VSNL1: variants seen among roughly 807,000 people sequenced by gnomAD.
VSNL1 encodes the protein visinin like 1, also known as visinin-like protein 1.
A neutral mutation model predicts 20.4 loss-of-function variants in VSNL1; 6 were observed. The ratio of observed to expected loss-of-function variants is 0.29; its 90% CI spans 0.16 to 0.58. The LOEUF (loss-of-function observed/expected upper bound fraction) is 0.58. VSNL1 is among the 20% of genes least tolerant of loss of function. VSNL1 has a pLI of 0.90. For synonymous variants in VSNL1, 93 were observed against 86.4 expected (o/e 1.08, Z -0.42); for missense variants, 100 against 234.5 (o/e 0.43, Z 3.75).
chr2:17,646,374 G>C (rs149181759), intron 2 of VSNL1, among the ~76,000 whole-genome samples: 2 of 152,152 alleles, frequency 1.3e-5, no homozygotes, highest in African/African-American at 2.4e-5. Context: ...TTATTTCCTC[G>C]GCTAACACTT....
rs919148663 is a variant in VSNL1, at chr2:17,540,879, T to C, written c.-45T>C. ...TATTTTTAAAAAGAACTGTTGAGTT[T>C]TATCATTTTCGTTAAGTGACCGTGC... is the stretch of plus-strand genomic sequence containing the variant. On this transcript the variant is annotated 5_prime_UTR_variant, in exon 1 of 4. Coordinates refer to ENST00000295156, the MANE Select transcript of VSNL1 (RefSeq NM_003385.5). 6.6e-5 allele frequency: 10 copies of C among 152,514 alleles called. No individual in the cohort carries two copies. Among genetic ancestry groups the C allele is most frequent in the African/African-American group, 2.4e-4 (10 of 41,468 alleles). 9.4% of individuals were successfully genotyped at this position (152,514 alleles called of 1,614,324 possible). A position where few individuals can be genotyped will look rare whatever the true frequency, so the allele number is the denominator to read the frequency against.
At chr2:17,584,780 A>T (rs1490827630) in intron 1 of VSNL1, among the ~76,000 whole-genome samples, 1 of 152,166 alleles carries the variant, frequency 6.6e-6, no homozygotes, top group African/African-American at 2.4e-5. Context: ...AGGCCTGGGC[A>T]CTGCAGCAGG....
chr2:17,547,054 T>C (rs1370950356), intron 1 of VSNL1, among the ~76,000 whole-genome samples: 1 of 152,058 alleles, frequency 6.6e-6, no homozygotes, highest in Admixed American at 6.6e-5. Flanking sequence ...TCTTTCCTCA[T>C]TTTTAGTTTG....
intron 1 of VSNL1, among the ~76,000 whole-genome samples, chr2:17,553,804 T>C (rs942622881): frequency 6.6e-6 from 1 of 152,230 alleles, no homozygotes; most frequent in Non-Finnish European, 1.5e-5. Flanking sequence ...CTAGAAATAA[T>C]ATCCATTAAA....
intron 1 of VSNL1, among the ~76,000 whole-genome samples, chr2:17,568,631 A>G (rs557796664): frequency 6.6e-6 from 1 of 152,158 alleles, no homozygotes; most frequent in Non-Finnish European, 1.5e-5. Context: ...TTTAATCCCA[A>G]AACATCCCTT....
chr2:17,554,023 A>T (rs1310228861), intron 1 of VSNL1, among the ~76,000 whole-genome samples: 1 of 152,192 alleles, frequency 6.6e-6, no homozygotes, highest in Non-Finnish European at 1.5e-5. Context: ...ACCATGTATG[A>T]AGTTAATGGA....
At chr2:17,589,115 A>G (rs4633927) in intron 1 of VSNL1, among the ~76,000 whole-genome samples, 1 of 152,294 alleles carries the variant, frequency 6.6e-6, no homozygotes, top group African/African-American at 2.4e-5. Flanking sequence ...GGTGGTGTGT[A>G]AATTGAGACT....
intron 1 of VSNL1, among the ~76,000 whole-genome samples, chr2:17,582,747 G>C (rs1429537434): frequency 6.6e-6 from 1 of 151,914 alleles, no homozygotes; most frequent in Non-Finnish European, 1.5e-5. Flanking sequence ...TGTTGAGTTT[G>C]ATGTGGTGGT....
intron 2 of VSNL1, among the ~76,000 whole-genome samples, chr2:17,626,809 A>T (rs1442926452): frequency 6.6e-6 from 1 of 152,178 alleles, no homozygotes; most frequent in Non-Finnish European, 1.5e-5. Context: ...ACTGGGTAGA[A>T]GCCTCACTAA....
At chr2:17,602,811 T>C (rs1227756509) in intron 2 of VSNL1, among the ~76,000 whole-genome samples, 1 of 151,872 alleles carries the variant, frequency 6.6e-6, no homozygotes, top group Non-Finnish European at 1.5e-5. Flanking sequence ...AAGGGAGGAA[T>C]CCCTTTGTAG....
chr2:17,575,588 T>A (rs1377269232), intron 1 of VSNL1, among the ~76,000 whole-genome samples: 1 of 151,994 alleles, frequency 6.6e-6, no homozygotes, highest in African/African-American at 2.4e-5. Context: ...CAGGCTGGAG[T>A]GCAGTGGCAT....
At chr2:17,611,606 A>AT (rs891165295) in intron 2 of VSNL1, among the ~76,000 whole-genome samples, 28 of 152,082 alleles carry the variant, frequency 1.8e-4, no homozygotes, top group African/African-American at 6.5e-4. Flanking sequence ...GGTTTGGAGG[A>AT]TTTTCCCAAA....
chr2:17,591,986 T>C, intron 1 of VSNL1, 84 bp from the exon 2 acceptor site: 1 of 1,516,748 alleles, frequency 6.6e-7, no homozygotes, highest in South Asian at 1.2e-5. Context: ...ACCATGGGAC[T>C]GCTCAGAACT....
intron 2 of VSNL1, among the ~76,000 whole-genome samples, chr2:17,619,334 G>A (rs1394837954): frequency 6.6e-6 from 1 of 152,148 alleles, no homozygotes; most frequent in East Asian, 1.9e-4. Context: ...GGCAATCTTG[G>A]TCCATCTTCT....
intron 2 of VSNL1, among the ~76,000 whole-genome samples, chr2:17,603,582 T>C (rs1006350757): frequency 3.9e-5 from 6 of 152,082 alleles, no homozygotes; most frequent in African/African-American, 1.4e-4. Context: ...AAATGTCAGG[T>C]AACCAAAGAA....
rs529349709 is a variant in VSNL1, at chr2:17,591,525, T to C, written c.-5-545T>C. ...AGAAATAGAGAATTAGTGTGACTAA[T>C]AGAAATAGCTGTTTTTATTGGGGAA... On this transcript the variant is annotated intron_variant, in intron 1 of 3. Transcript: ENST00000295156. Among the ~76,000 whole-genome samples the C allele has an allele frequency of 2.6e-5, 4 of 152,190 alleles. No homozygotes were observed. The South Asian group carries it at 8.3e-4, about 31-fold the overall frequency.
chr2:17,588,554 A>G (rs1664528806), intron 1 of VSNL1, among the ~76,000 whole-genome samples: 1 of 152,230 alleles, frequency 6.6e-6, no homozygotes, highest in Admixed American at 6.5e-5. Context: ...TGCTTGGCCC[A>G]TATCACTGCA....
At chr2:17,645,674 C>T (rs1453193130) in intron 2 of VSNL1, among the ~76,000 whole-genome samples, 2 of 152,304 alleles carry the variant, frequency 1.3e-5, no homozygotes, top group African/African-American at 4.8e-5. Flanking sequence ...GAAAGAAATG[C>T]AGAGTGGGGC....
rs187647264 is a variant in VSNL1 at position 17,553,531 on chromosome 2, T to C, written c.-6+12613T>C. On this transcript the variant is annotated intron_variant, in intron 1 of 3. Coordinates refer to ENST00000295156, the MANE Select transcript of VSNL1 (RefSeq NM_003385.5). Reference sequence around the variant, plus strand: ...CAGATTTGAGTTTGCTTTGTTTTCATATGAACTTGAGCAAGTTACTTCACT... The same window carrying C: ...CAGATTTGAGTTTGCTTTGTTTTCACATGAACTTGAGCAAGTTACTTCACT... Among the ~76,000 whole-genome samples, 141 of 152,308 alleles carry C rather than the reference T, an allele frequency of 9.3e-4. 3 individuals carry two copies. Among genetic ancestry groups the C allele is most frequent in the Admixed American group, 4.4e-3 (68 of 15,298 alleles).
Sources: gnomAD v4.1 joint callset for allele counts (sites outside exome capture counted in the v4.1 genomes callset) on GRCh38, gnomAD v4.1.1 for gene constraint, MANE v1.5 for transcripts, NCBI Gene and HGNC (gene_info 2026-07-23, HGNC 2026-07-21) for gene names.